Variants in SETD3 observed in about 807,000 individuals in gnomAD.
SETD3 encodes the protein SET domain containing 3, actin N3(tau)-histidine methyltransferase, also known as actin-histidine N-methyltransferase.
In SETD3, 19 loss-of-function variants were observed where a neutral mutation model predicts 63.0. That is an observed-to-expected ratio of 0.30 (90% CI 0.21 to 0.44). SETD3 has a LOEUF of 0.44. Among genes scored for constraint, SETD3 ranks in the 20% least tolerant of loss-of-function variants. The pLI is 1.00. For missense variants in SETD3, 587 were observed against 728.5 expected (o/e 0.81, Z 2.24); for synonymous variants, 286 against 264.1 (o/e 1.08, Z -0.80).
intron 1 of SETD3, among the ~76,000 whole-genome samples, chr14:99,479,333 A>T (rs960808345): frequency 7.9e-5 from 12 of 152,206 alleles, no homozygotes; most frequent in African/African-American, 2.4e-4. Context: ...AACTGTTGGA[A>T]TTTCACCAAA....
intron 6 of SETD3, among the ~76,000 whole-genome samples, chr14:99,447,045 T>C (rs1317495172): frequency 6.6e-6 from 1 of 151,536 alleles, no homozygotes; most frequent in African/African-American, 2.4e-5. Flanking sequence ...CAATCCTGGC[T>C]CACTGCAACT....
intron 11 of SETD3, among the ~76,000 whole-genome samples, chr14:99,403,060 A>G (rs1019770552): frequency 6.6e-6 from 1 of 152,214 alleles, no homozygotes; most frequent in Non-Finnish European, 1.5e-5. Flanking sequence ...TCCCACTTGA[A>G]TAACCGTAAA....
At chr14:99,437,813 C>T (rs1022591110) in intron 6 of SETD3, among the ~76,000 whole-genome samples, 2 of 152,354 alleles carry the variant, frequency 1.3e-5, no homozygotes, top group Middle Eastern at 3.4e-3. Context: ...CTCCATTTCA[C>T]ATCTACATTA....
At chr14:99,448,411 C>T (rs958712434) in intron 6 of SETD3, among the ~76,000 whole-genome samples, 1 of 152,124 alleles carries the variant, frequency 6.6e-6, no homozygotes, top group Non-Finnish European at 1.5e-5. Flanking sequence ...GGGTTTCCTA[C>T]GACGTGGAAA....
intron 11 of SETD3, 50 bp downstream of exon 11, chr14:99,404,175 T>C (rs758826686): frequency 6.7e-6 from 10 of 1,484,982 alleles, no homozygotes; most frequent in Non-Finnish European, 9.3e-6. Context: ...TACACTTTCA[T>C]GATTTAAAAA....
chr14:99,416,451 C>T (rs1892296032), intron 6 of SETD3, among the ~76,000 whole-genome samples: 1 of 152,338 alleles, frequency 6.6e-6, no homozygotes, highest in South Asian at 2.1e-4. Context: ...CACTAGAAGA[C>T]ATTCCTAGCT....
At chr14:99,442,411 G>A (rs190897942) in intron 6 of SETD3, among the ~76,000 whole-genome samples, 235 of 152,288 alleles carry the variant, frequency 1.5e-3, no homozygotes, top group African/African-American at 5.2e-3. Context: ...TTACATTCAA[G>A]TTGGGAAGAT....
intron 3 of SETD3, 146 bp from the exon 4 acceptor site, chr14:99,461,486 G>A: frequency 1.3e-6 from 1 of 764,026 alleles, no homozygotes; most frequent in African/African-American, 1.8e-5. Context: ...ATCACCAGAT[G>A]GTCACAGTAC....
intron 6 of SETD3, among the ~76,000 whole-genome samples, chr14:99,455,159 G>A (rs756951462): frequency 6.6e-6 from 1 of 152,220 alleles, no homozygotes; most frequent in Non-Finnish European, 1.5e-5. Context: ...CTTGGACAGT[G>A]GATACAGCTG....
At chr14:99,480,216 G>T (rs1219766826) in intron 1 of SETD3, among the ~76,000 whole-genome samples, 1 of 152,122 alleles carries the variant, frequency 6.6e-6, no homozygotes, top group Non-Finnish European at 1.5e-5. Flanking sequence ...ACATAAAACC[G>T]CACAGCCTTC....
intron 6 of SETD3, among the ~76,000 whole-genome samples, chr14:99,442,433 G>A (rs1893877781): frequency 6.6e-6 from 1 of 152,150 alleles, no homozygotes; most frequent in African/African-American, 2.4e-5. Context: ...GACAAATGAA[G>A]GAATATACAG....
intron 12 of SETD3, among the ~76,000 whole-genome samples, chr14:99,399,745 T>A (rs1044014827): frequency 0.76 from 94,839 of 124,354 alleles, 36,050 homozygotes; most frequent in Admixed American, 0.82. Flanking sequence ...CATTAAATTT[T>A]TTTTTTTTTT....
chr14:99,407,595 G>C (rs536487397), intron 8 of SETD3, among the ~76,000 whole-genome samples: 2 of 152,246 alleles, frequency 1.3e-5, no homozygotes, highest in South Asian at 4.1e-4. Context: ...GAGCACGGCC[G>C]AATAAGGAGG....
chr14:99,410,251 C>A lies in SETD3; in HGVS notation c.849+2700G>T, dbSNP rs547358701. On this transcript the variant is annotated intron_variant, in intron 8 of 12. Transcript: ENST00000331768. ...GCAGGGAACCAGAGGTGAGTCAGAC[C>A]TGTGTGCACGGAGGGTGTGGGGGGA... is the stretch of plus-strand genomic sequence containing the variant. The A allele has an allele frequency of 2.9e-5, 47 of 1,613,294 alleles. No homozygotes were observed. The South Asian group carries it at 5.1e-4, about 17-fold the overall frequency.
chr14:99,457,250 T>C (rs191993463), intron 6 of SETD3, among the ~76,000 whole-genome samples: 238 of 152,326 alleles, frequency 1.6e-3, no homozygotes, highest in African/African-American at 5.6e-3. Flanking sequence ...CCTAATGACT[T>C]CCTAAAGTTT....
chr14:99,454,409 G>A (rs772034520), intron 6 of SETD3, among the ~76,000 whole-genome samples: 2 of 152,088 alleles, frequency 1.3e-5, no homozygotes, highest in African/African-American at 4.8e-5. Flanking sequence ...AGCTTGTGAC[G>A]AGTCACTATG....
intron 11 of SETD3, among the ~76,000 whole-genome samples, chr14:99,403,451 A>ACTCTCTCTCTCTCT (rs1316443573): frequency 3.1e-4 from 33 of 107,120 alleles, no homozygotes; most frequent in African/African-American, 9.0e-4. Context: ...ACACACACAC[A>ACTCTCTCTCTCTCT]CACACTCTCT....
chr14:99,432,628 C>T (rs535808645), intron 6 of SETD3, among the ~76,000 whole-genome samples: 1 of 152,324 alleles, frequency 6.6e-6, no homozygotes, highest in East Asian at 1.9e-4. Context: ...AAATTCTTCT[C>T]ATCACATCTA....
At chr14:99,414,547 C>T (rs371484683) in intron 6 of SETD3, among the ~76,000 whole-genome samples, 27 of 152,314 alleles carry the variant, frequency 1.8e-4, no homozygotes, top group African/African-American at 6.0e-4. Flanking sequence ...ACTTCACAAA[C>T]ACATAGGATA....
Sources: gnomAD v4.1 joint callset for allele counts (sites outside exome capture counted in the v4.1 genomes callset) on GRCh38, gnomAD v4.1.1 for gene constraint, MANE v1.5 for transcripts, NCBI Gene and HGNC (gene_info 2026-07-23, HGNC 2026-07-21) for gene names.